The following ANK2 variants were observed in gnomAD, a reference collection of about 807,000 sequenced individuals.
ANK2 encodes ankyrin 2.
A neutral mutation model predicts 360.5 loss-of-function variants in ANK2; 83 were observed. The ratio of observed to expected loss-of-function variants is 0.23; its 90% CI spans 0.19 to 0.28. The LOEUF is 0.28. Among genes scored for constraint, ANK2 ranks in the 10% least tolerant of loss-of-function variants. The probability of loss-of-function intolerance (pLI) is 1.00; values close to 1 mark genes in which losing one functional copy is unlikely to be tolerated. For missense variants in ANK2, 4,201 were observed against 4,795.7 expected, an observed-to-expected ratio of 0.88 and a Z score of 3.66; for synonymous variants, 1,740 against 1,759.5, an observed-to-expected ratio of 0.99 and a Z score of 0.28.
At position 113,345,998 on chromosome 4, in the gene ANK2, C is replaced by T. The variant is rs1236649644; in HGVS notation, c.4347C>T (p.Asn1449=). The part of the protein sequence containing the change: ...GLVHQAICNL[N]ITLPIYTKES... ...TGCATCAAGCTATTTGCAACTTAAACATCACTTTGCCGATTTATACAAAGG... is the reference window on the plus strand; with the variant it reads ...TGCATCAAGCTATTTGCAACTTAAATATCACTTTGCCGATTTATACAAAGG... The change falls in exon 35 of 46, where the codon AAC becomes AAT. Residue 1449 remains asparagine, a synonymous_variant. Transcript: ENST00000357077. The T allele has an allele frequency of 2.4e-5, 39 of 1,613,442 alleles. No homozygotes were observed. Among genetic ancestry groups the T allele is most frequent in the Non-Finnish European group, 3.1e-5 (37 of 1,179,568 alleles).
In ANK2 at chr4:113,288,482, C is replaced by T; in HGVS notation, c.2273C>T (p.Thr758Ile). 1.2e-6 allele frequency: 2 copies of T among 1,612,866 alleles called. No individual in the cohort carries two copies. Among genetic ancestry groups the T allele is most frequent in the South Asian group, 2.2e-5 (2 of 91,072 alleles). ...LKQGANVNAK[T>I]KNGYTPLHQA... ...CAGGGAGCAAATGTTAACGCAAAAA[C>T]CAAGGTAAAGTACTTGTGGTCATTT... Residue 758 changes from threonine (T) to isoleucine (I), a missense_variant, in exon 20 of 46, where the codon ACC (threonine) becomes ATC (isoleucine). Thr to Ile is a moderately conservative substitution (Grantham distance 89). This residue lies in a region of ANK2 where 1,268 missense variants were observed against 1,650.8 expected (regional missense o/e 0.77). Coordinates refer to ENST00000357077, the MANE Select transcript of ANK2 (RefSeq NM_001148.6).
rs184613658 is a variant in ANK2 at position 113,186,897 on chromosome 4, T to C, written c.187-9471T>C. ...GCATATGTGCAAGTGTAGAGCCTCATGTGGCAGTTGTTTTTAGTCCCCATA... is the reference window on the plus strand; with the variant it reads ...GCATATGTGCAAGTGTAGAGCCTCACGTGGCAGTTGTTTTTAGTCCCCATA... On this transcript the variant is annotated intron_variant, in intron 2 of 45. Transcript: ENST00000357077. 2.6e-3 allele frequency among the ~76,000 whole-genome samples: 402 copies of C among 152,206 alleles called. 2 individuals are homozygous for C. Among genetic ancestry groups the C allele is most frequent in the African/African-American group, 3.4e-3 (143 of 41,532 alleles).
intron 4 of ANK2, among the ~76,000 whole-genome samples, chr4:113,218,775 G>A (rs906859791): frequency 4.6e-5 from 7 of 152,064 alleles, no homozygotes; most frequent in Non-Finnish European, 1.0e-4. Flanking sequence ...TAATTTTGGG[G>A]GGTGTAATGC....
At chr4:112,734,276 C>A in the ANK2 span, among the ~76,000 whole-genome samples, 1 of 152,202 alleles carries the variant, frequency 6.6e-6, no homozygotes, top group South Asian at 2.1e-4. Flanking sequence ...ACTTTCTAAT[C>A]TTTTGGAGAA....
chr4:112,932,723 C>T (rs1188363175), intron 2 of ANK2, among the ~76,000 whole-genome samples: 10 of 151,938 alleles, frequency 6.6e-5, no homozygotes, highest in Non-Finnish European at 1.2e-4. Context: ...TTTCACTCTT[C>T]AAAGATCTCT....
At chr4:113,172,570 T>C (rs558663708) in intron 1 of ANK2, among the ~76,000 whole-genome samples, 22 of 152,300 alleles carry the variant, frequency 1.4e-4, no homozygotes, top group African/African-American at 5.3e-4. Context: ...CTCCTTGAGC[T>C]CTGTTCCTGA....
At chr4:113,217,101 C>T (rs922257711) in intron 4 of ANK2, 4 of 152,138 alleles carry the variant, frequency 2.6e-5, no homozygotes, top group Non-Finnish European at 5.9e-5. Flanking sequence ...GAGAATTCTT[C>T]CAAAGAACAG....
intron 1 of ANK2, among the ~76,000 whole-genome samples, chr4:112,842,072 T>C (rs1269342737): frequency 1.3e-5 from 2 of 151,952 alleles, no homozygotes; most frequent in East Asian, 1.9e-4. Context: ...TGCAGTGATA[T>C]GATCTCAGCT....
intron 22 of ANK2, among the ~76,000 whole-genome samples, chr4:113,294,331 A>G (rs547776805): frequency 6.6e-6 from 1 of 152,302 alleles, no homozygotes; most frequent in Admixed American, 6.5e-5. Flanking sequence ...TCACTCACTA[A>G]CTTTCTACTT....
intron 10 of ANK2, among the ~76,000 whole-genome samples, chr4:113,255,529 A>G (rs181605511): frequency 1.3e-5 from 2 of 152,282 alleles, no homozygotes; most frequent in East Asian, 3.9e-4. Context: ...ATTTTTGTCT[A>G]TGGTAGCATA....
rs183922573 is a variant in ANK2, at chr4:112,955,178, G to A, written c.21+50664G>A. ...ATTTGTGGAAGAAAATATTCAATAT[G>A]CTAATAGTTGCTGTGATCTACATAC... is the stretch of plus-strand genomic sequence containing the variant. On this transcript the variant is annotated intron_variant, in intron 2 of 30. Coordinates refer to the ANK2 transcript ENST00000503271. Among the ~76,000 whole-genome samples, 341 of 152,166 alleles carry A rather than the reference G, an allele frequency of 2.2e-3. 3 individuals are homozygous for A. Among genetic ancestry groups the A allele is most frequent in the African/African-American group, 7.7e-3 (319 of 41,536 alleles).
intron 3 of ANK2, 123 bp from the exon 4 acceptor site, chr4:113,198,888 T>C: frequency 1.2e-6 from 1 of 836,112 alleles, no homozygotes. Flanking sequence ...TGGGCTACTA[T>C]CTTGATAAAT....
At chr4:113,184,883 G>A (rs1051785214) in intron 2 of ANK2, among the ~76,000 whole-genome samples, 2 of 151,854 alleles carry the variant, frequency 1.3e-5, no homozygotes, top group Non-Finnish European at 2.9e-5. Context: ...AACAGGCCCC[G>A]GTGTGTGATG....
the ANK2 span, among the ~76,000 whole-genome samples, chr4:112,759,069 T>C: frequency 6.6e-6 from 1 of 152,156 alleles, no homozygotes; most frequent in African/African-American, 2.4e-5. Context: ...TTCTCCCTAG[T>C]TTTTCTATTT....
At chr4:113,048,917 GACACACACACAC>G (rs55814667), upstream of ANK2, among the ~76,000 whole-genome samples, 2,074 of 139,312 alleles carry the variant, frequency 0.015, 26 homozygotes, top group South Asian at 0.023. Flanking sequence ...CCCCTACCCA[GACACACACACAC>G]ACACACACAC....
In ANK2 at chr4:113,278,033, G is replaced by A. The variant is rs992650385; in HGVS notation, c.1782+98G>A. On this transcript the variant is annotated intron_variant, in intron 16 of 45. Coordinates refer to ENST00000357077, the MANE Select transcript of ANK2 (RefSeq NM_001148.6). ...TCTCACTTCTCTGAAAGGAATGTGA[G>A]AGCAACTGATGAAACTATCCCAAAT... 38 of 1,184,490 alleles carry A rather than the reference G, an allele frequency of 3.2e-5. No homozygotes were observed. The African/African-American group carries it at 5.0e-4, about 16-fold the overall frequency. 73.4% of individuals were successfully genotyped at this position (1,184,490 alleles called of 1,614,324 possible).
chr4:112,958,563 C>G (rs964460663), intron 2 of ANK2, among the ~76,000 whole-genome samples: 20 of 151,984 alleles, frequency 1.3e-4, no homozygotes, highest in Non-Finnish European at 2.6e-4. Flanking sequence ...AGCTTCGGCT[C>G]GGCATCAGAG....
At chr4:113,058,909 G>T (rs1232294246) in intron 1 of ANK2, among the ~76,000 whole-genome samples, 1 of 152,126 alleles carries the variant, frequency 6.6e-6, no homozygotes, top group African/African-American at 2.4e-5. Flanking sequence ...AAAAACAACA[G>T]AAATTTATTT....
At chr4:113,222,353 C>T (rs921607287) in intron 4 of ANK2, among the ~76,000 whole-genome samples, 5 of 151,696 alleles carry the variant, frequency 3.3e-5, no homozygotes, top group African/African-American at 1.2e-4. Context: ...AGTTAATTGT[C>T]CAATTGCTAG....
Sources: allele counts gnomAD v4.1 joint callset (sites outside exome capture counted in the v4.1 genomes callset), GRCh38; gene constraint gnomAD v4.1.1; regional missense constraint gnomAD v4.1.1; transcripts MANE v1.5; gene names NCBI Gene and HGNC (gene_info 2026-07-23, HGNC 2026-07-21).